Variants in ANKIB1 observed in about 807,000 individuals in gnomAD.
ANKIB1 encodes the protein ankyrin repeat and IBR domain-containing protein 1.
A neutral mutation model predicts 122.1 loss-of-function variants in ANKIB1; 43 were observed. That is an observed-to-expected ratio of 0.35 (90% CI 0.28 to 0.45). ANKIB1 has a LOEUF of 0.45. ANKIB1 is among the 20% of genes least tolerant of loss of function. The probability of loss-of-function intolerance (pLI) is 1.00; values close to 1 mark genes in which losing one functional copy is unlikely to be tolerated. For missense variants in ANKIB1, 992 were observed against 1,329.5 expected (o/e 0.75, Z 3.95); for synonymous variants, 390 against 442.0 (o/e 0.88, Z 1.48).
chr7:92,264,440 C>G (rs981250669), intron 1 of ANKIB1, among the ~76,000 whole-genome samples: 2 of 151,892 alleles, frequency 1.3e-5, no homozygotes, highest in African/African-American at 4.8e-5. Context: ...CCCTGTCACC[C>G]AGGGTGGAGT....
At chr7:92,338,933 A>AAAATATAT (rs1562786305) in intron 5 of ANKIB1, among the ~76,000 whole-genome samples, 3 of 21,916 alleles carry the variant, frequency 1.4e-4, no homozygotes, top group Non-Finnish European at 2.4e-4. Context: ...AAAAAAAAAA[A>AAAATATAT]ATATATATAT....
intron 1 of ANKIB1, among the ~76,000 whole-genome samples, chr7:92,247,093 GAGCTGTAATAAAGCATCTCCT>G: frequency 6.6e-6 from 1 of 152,158 alleles, no homozygotes; most frequent in South Asian, 2.1e-4. Context: ...ATTGAAACTA[GAGCTGTAATAAAGCATCTCCT>G]GAGGAGATTT....
chr7:92,332,112 T>TC (rs757399657), intron 5 of ANKIB1, among the ~76,000 whole-genome samples: 41 of 152,346 alleles, frequency 2.7e-4, no homozygotes, highest in Non-Finnish European at 2.5e-4. Context: ...AAAGCATTGT[T>TC]CTGTATTTCA....
chr7:92,395,539 T>C (rs1217754616), intron 17 of ANKIB1, among the ~76,000 whole-genome samples: 2 of 104,212 alleles, frequency 1.9e-5, no homozygotes, highest in Non-Finnish European at 4.2e-5. Flanking sequence ...TCCCAGTCAC[T>C]TTTTTTTTTT....
intron 10 of ANKIB1, among the ~76,000 whole-genome samples, chr7:92,365,588 T>G (rs1804054622): frequency 6.6e-6 from 1 of 151,354 alleles, no homozygotes; most frequent in Non-Finnish European, 1.5e-5. Context: ...AGTAGGAGAG[T>G]GATGAATGAA....
At chr7:92,394,718 T>C (rs1804851003) in intron 17 of ANKIB1, among the ~76,000 whole-genome samples, 1 of 152,204 alleles carries the variant, frequency 6.6e-6, no homozygotes. Context: ...AGTCATCAGT[T>C]TGAGGTCATG....
intron 9 of ANKIB1, among the ~76,000 whole-genome samples, chr7:92,356,100 G>T (rs1428402544): frequency 1.3e-5 from 2 of 152,118 alleles, no homozygotes. Flanking sequence ...AAGTCTGAAA[G>T]TGAGTACTTT....
At chr7:92,358,922 A>G (rs754381214) in intron 9 of ANKIB1, among the ~76,000 whole-genome samples, 1 of 152,142 alleles carries the variant, frequency 6.6e-6, no homozygotes, top group Non-Finnish European at 1.5e-5. Flanking sequence ...CAGGCACCAT[A>G]TGGAAACACT....
chr7:92,387,648 A>AAG lies in ANKIB1; in HGVS notation c.1753-150_1753-149insAG, dbSNP rs1272305946. On this transcript the variant is annotated intron_variant, in intron 12 of 19. Coordinates refer to ENST00000265742, the MANE Select transcript of ANKIB1 (RefSeq NM_019004.2). ...GAGACTCCGTCTCAAAAAAAAAAAAACAAGTATTGTTTTTCTGTCAAGAAA... is the reference window on the plus strand; with the variant it reads ...GAGACTCCGTCTCAAAAAAAAAAAAAAGCAAGTATTGTTTTTCTGTCAAGAAA... 3 of 624,296 alleles carry AAG rather than the reference A, an allele frequency of 4.8e-6. No homozygotes were observed. The African/African-American group carries it at 5.6e-5, about 12-fold the overall frequency. The allele number at this position is 624,296 out of a possible 1,614,324, so 38.7% of individuals were successfully genotyped here.
intron 3 of ANKIB1, among the ~76,000 whole-genome samples, chr7:92,311,807 A>G (rs1585101673): frequency 6.6e-6 from 1 of 152,174 alleles, no homozygotes; most frequent in Non-Finnish European, 1.5e-5. Flanking sequence ...AAGGTATCAC[A>G]TGGTATGTAG....
At position 92,252,363 on chromosome 7, in the gene ANKIB1, TG is replaced by T. The variant is rs1255875455; in HGVS notation, c.-91+5846del. ...TGTTATTTCTTCTATGCATATTAGTTGGTATTATGTCATAAGGTACTACTTT... is the reference window on the plus strand; with the variant it reads ...TGTTATTTCTTCTATGCATATTAGTTGTATTATGTCATAAGGTACTACTTT... On this transcript the variant is annotated intron_variant, in intron 1 of 19. Coordinates refer to ENST00000265742, the MANE Select transcript of ANKIB1 (RefSeq NM_019004.2). Among the ~76,000 whole-genome samples the T allele has an allele frequency of 2.0e-5, 3 of 151,966 alleles. No individual in the cohort carries two copies. In the East Asian group the frequency reaches 5.8e-4, roughly 29 times the overall value.
intron 12 of ANKIB1, among the ~76,000 whole-genome samples, chr7:92,387,316 C>T (rs1238989419): frequency 6.6e-6 from 1 of 151,996 alleles, no homozygotes; most frequent in Non-Finnish European, 1.5e-5. Flanking sequence ...ACCATTAGTC[C>T]ATAGCAAAAA....
intron 5 of ANKIB1, among the ~76,000 whole-genome samples, chr7:92,337,034 T>C (rs977603753): frequency 3.9e-5 from 6 of 152,210 alleles, no homozygotes; most frequent in Non-Finnish European, 8.8e-5. Context: ...TAATGATAAT[T>C]GTTCCTGCAG....
At chr7:92,359,774 G>A (rs1008073958) in intron 9 of ANKIB1, among the ~76,000 whole-genome samples, 5 of 152,066 alleles carry the variant, frequency 3.3e-5, no homozygotes, top group African/African-American at 1.2e-4. Context: ...AAGAGATTAG[G>A]TCATGCTGTG....
intron 9 of ANKIB1, among the ~76,000 whole-genome samples, chr7:92,353,888 A>G (rs1803722002): frequency 6.6e-6 from 1 of 152,226 alleles, no homozygotes; most frequent in Non-Finnish European, 1.5e-5. Context: ...TGGTTGAAAA[A>G]GGCTGATTTA....
At chr7:92,274,484 G>A (rs1194938641) in intron 1 of ANKIB1, among the ~76,000 whole-genome samples, 1 of 151,960 alleles carries the variant, frequency 6.6e-6, no homozygotes, top group Non-Finnish European at 1.5e-5. Flanking sequence ...TAAGGAAATT[G>A]CATTTTAGAT....
chr7:92,312,425 A>G lies in ANKIB1; in HGVS notation c.486+4769A>G, dbSNP rs1206129617. 3.9e-5 allele frequency among the ~76,000 whole-genome samples: 6 copies of G among 152,178 alleles called. No homozygotes were observed. In the East Asian group the frequency reaches 9.6e-4, roughly 24 times the overall value. On this transcript the variant is annotated intron_variant, in intron 3 of 19. Transcript: ENST00000265742. ...TCCAAAAATTATTTACAGGTCAGCAAACTTTTCTGTGAAAGCCCAGATAGT... is the reference window on the plus strand; with the variant it reads ...TCCAAAAATTATTTACAGGTCAGCAGACTTTTCTGTGAAAGCCCAGATAGT...
chr7:92,347,859 A>T, intron 7 of ANKIB1: 1 of 253,056 alleles, frequency 4.0e-6, no homozygotes, highest in South Asian at 3.9e-5. Context: ...TCAGTTTTTT[A>T]AATTTCTTAA....
At chr7:92,354,720 A>G (rs1395667725) in intron 9 of ANKIB1, among the ~76,000 whole-genome samples, 1 of 152,088 alleles carries the variant, frequency 6.6e-6, no homozygotes, top group African/African-American at 2.4e-5. Context: ...CCTTATTCAT[A>G]TAGTATAAAA....
Sources: allele counts gnomAD v4.1 joint callset (sites outside exome capture counted in the v4.1 genomes callset), GRCh38; gene constraint gnomAD v4.1.1; transcripts MANE v1.5; gene names NCBI Gene and HGNC (gene_info 2026-07-23, HGNC 2026-07-21).